The following CSMD1 variants were observed in gnomAD, a reference collection of about 807,000 sequenced individuals.
CSMD1 encodes CUB and Sushi multiple domains 1, also known as CUB and sushi domain-containing protein 1.
A neutral mutation model predicts 417.5 loss-of-function variants in CSMD1; 213 were observed. That is an observed-to-expected ratio of 0.51 (90% CI 0.46 to 0.57). The LOEUF is 0.57. Among genes scored for constraint, CSMD1 ranks in the 20% least tolerant of loss-of-function variants. CSMD1 has a pLI of 0.00. For missense variants in CSMD1, 6,923 were observed against 4,529.7 expected, an observed-to-expected ratio of 1.53 and a Z score of -15.17; for synonymous variants, 2,862 against 1,736.8, an observed-to-expected ratio of 1.65 and a Z score of -16.11.
rs917120528 is a variant in CSMD1 at position 3,974,540 on chromosome 8, C to T, written c.818+23363G>A. Among the ~76,000 whole-genome samples, 55 of 151,924 alleles carry T rather than the reference C, an allele frequency of 3.6e-4. 2 individuals carry two copies. The highest frequency in any genetic ancestry group is 1.7e-3 in the Admixed American group (26 of 15,244). ...TCTTTCATAGTAGTTGTTTAGTTGT[C>T]TCAAAATATTTAAATGTTTGCTTTC... On this transcript the variant is annotated intron_variant, in intron 5 of 69. Coordinates refer to ENST00000635120, the MANE Select transcript of CSMD1 (RefSeq NM_033225.6).
At chr8:3,139,880 T>C (rs550543107) in intron 41 of CSMD1, among the ~76,000 whole-genome samples, 3 of 150,902 alleles carry the variant, frequency 2.0e-5, no homozygotes, top group African/African-American at 7.3e-5. Context: ...CCGTTTTTTT[T>C]CTTTCTTTTT....
chr8:3,374,914 C>G lies in CSMD1; in HGVS notation c.2783-5544G>C, dbSNP rs183387867. ...CAGAGTCAGTTATTGTTGCCTGGAA[C>G]TCAGAAATTGAATTCAACAAGTTTA... On this transcript the variant is annotated intron_variant, in intron 18 of 69. Transcript: ENST00000635120. Among the ~76,000 whole-genome samples, 4 of 152,282 alleles carry G rather than the reference C, an allele frequency of 2.6e-5. No homozygotes were observed. The East Asian group carries it at 7.7e-4, about 29-fold the overall frequency.
intron 10 of CSMD1, among the ~76,000 whole-genome samples, chr8:3,554,393 G>C (rs1014663423): frequency 6.6e-6 from 1 of 152,192 alleles, no homozygotes; most frequent in Non-Finnish European, 1.5e-5. Flanking sequence ...TGAGGAGGAA[G>C]ACAATGAAGC....
chr8:3,688,956 A>G (rs1800089839), intron 7 of CSMD1, among the ~76,000 whole-genome samples: 1 of 152,218 alleles, frequency 6.6e-6, no homozygotes, highest in Non-Finnish European at 1.5e-5. Flanking sequence ...TGAATGAAAT[A>G]TTATGAAATT....
In CSMD1 at chr8:3,749,611, T is replaced by G. The variant is rs12680606; in HGVS notation, c.931+4319A>C. ...CACCAAGTTAAAAAGAATATATTAT[T>G]TGTCTTTGAGAAGTTACACAATTCT... On this transcript the variant is annotated intron_variant, in intron 6 of 69. Coordinates refer to ENST00000635120, the MANE Select transcript of CSMD1 (RefSeq NM_033225.6). 4.0e-3 allele frequency among the ~76,000 whole-genome samples: 603 copies of G among 152,164 alleles called. 6 individuals carry two copies. The highest frequency in any genetic ancestry group is 0.014 in the African/African-American group (574 of 41,544).
intron 5 of CSMD1, among the ~76,000 whole-genome samples, chr8:3,774,302 G>C (rs888148220): frequency 6.6e-6 from 1 of 152,080 alleles, no homozygotes; most frequent in Admixed American, 6.5e-5. Flanking sequence ...TGTTCCCAGA[G>C]CATCTGGGTT....
intron 3 of CSMD1, among the ~76,000 whole-genome samples, chr8:4,164,960 G>A (rs1235878661): frequency 6.6e-6 from 1 of 152,056 alleles, no homozygotes; most frequent in Non-Finnish European, 1.5e-5. Flanking sequence ...TGTTTCAACT[G>A]AGCAGTAGGA....
chr8:3,923,057 C>A (rs950587249), intron 5 of CSMD1, among the ~76,000 whole-genome samples: 1 of 152,046 alleles, frequency 6.6e-6, no homozygotes, highest in Non-Finnish European at 1.5e-5. Flanking sequence ...ACAAGTTGAC[C>A]CTTTTGTGTT....
intron 10 of CSMD1, among the ~76,000 whole-genome samples, chr8:3,501,216 T>C (rs563281877): frequency 5.3e-5 from 8 of 152,120 alleles, no homozygotes; most frequent in Non-Finnish European, 1.2e-4. Flanking sequence ...TCTATGATCT[T>C]TGCCTCTGTG....
chr8:4,692,774 T>C (rs1414438795), intron 1 of CSMD1, among the ~76,000 whole-genome samples: 1 of 152,220 alleles, frequency 6.6e-6, no homozygotes, highest in Non-Finnish European at 1.5e-5. Flanking sequence ...TTCCTATTGT[T>C]TCTTATACGG....
intron 1 of CSMD1, among the ~76,000 whole-genome samples, chr8:4,707,747 C>T (rs1213900808): frequency 5.9e-5 from 9 of 151,820 alleles, no homozygotes; most frequent in Admixed American, 4.6e-4. Context: ...ATTAGCCGGG[C>T]GTCGTGGCAG....
intron 3 of CSMD1, among the ~76,000 whole-genome samples, chr8:4,387,664 A>G (rs1356860119): frequency 5.3e-5 from 8 of 151,758 alleles, no homozygotes; most frequent in Admixed American, 3.9e-4. Flanking sequence ...ATGAAAAACT[A>G]CATCAATTAA....
chr8:3,282,415 AAAG>A (rs1483965640), intron 26 of CSMD1, among the ~76,000 whole-genome samples: 2 of 152,198 alleles, frequency 1.3e-5, no homozygotes, highest in African/African-American at 2.4e-5. Flanking sequence ...TACAGAATGG[AAAG>A]AAGAGGAAAA....
intron 18 of CSMD1, among the ~76,000 whole-genome samples, chr8:3,384,720 A>AAAATTATATAAATAT (rs1563333066): frequency 8.5e-6 from 1 of 118,286 alleles, no homozygotes; most frequent in African/African-American, 3.4e-5. Flanking sequence ...ATATATTTAT[A>AAAATTATATAAATAT]ATATTTATAT....
At chr8:4,096,571 T>TG (rs1801022562) in intron 3 of CSMD1, among the ~76,000 whole-genome samples, 1 of 152,006 alleles carries the variant, frequency 6.6e-6, no homozygotes, top group Non-Finnish European at 1.5e-5. Context: ...TGCACGCCAC[T>TG]AAGGATACCT....
intron 3 of CSMD1, among the ~76,000 whole-genome samples, chr8:4,297,162 T>C (rs1797731906): frequency 6.6e-6 from 1 of 152,078 alleles, no homozygotes; most frequent in Non-Finnish European, 1.5e-5. Flanking sequence ...CATAAAATAG[T>C]CATGAATATA....
chr8:4,306,849 T>A (rs115419274), intron 3 of CSMD1, among the ~76,000 whole-genome samples: 1 of 144,292 alleles, frequency 6.9e-6, no homozygotes, highest in East Asian at 2.1e-4. Flanking sequence ...AAAAATCTAA[T>A]AATTTTTCAA....
intron 3 of CSMD1, among the ~76,000 whole-genome samples, chr8:4,344,994 C>T (rs570839437): frequency 1.8e-4 from 26 of 147,916 alleles, no homozygotes; most frequent in Non-Finnish European, 3.2e-4. Flanking sequence ...AAATGGCTAG[C>T]CAATGTTTCA....
chr8:3,741,169 G>A (rs534092107), intron 6 of CSMD1, among the ~76,000 whole-genome samples: 5 of 142,012 alleles, frequency 3.5e-5, no homozygotes, highest in East Asian at 2.1e-4. Context: ...AGCTGAGATC[G>A]TGCTATTGCA....
Sources: allele counts gnomAD v4.1 joint callset (sites outside exome capture counted in the v4.1 genomes callset), GRCh38; gene constraint gnomAD v4.1.1; transcripts MANE v1.5; gene names NCBI Gene and HGNC (gene_info 2026-07-23, HGNC 2026-07-21).